TRAPPC9: variants seen among roughly 807,000 people sequenced by gnomAD.
The protein encoded by TRAPPC9 is IKK2 binding protein.
Under a neutral mutation model 124.0 loss-of-function variants are expected in TRAPPC9, and 83 were observed. The ratio of observed to expected loss-of-function variants is 0.67; its 90% confidence interval spans 0.56 to 0.80. TRAPPC9 has a LOEUF of 0.80. Among genes scored for constraint, TRAPPC9 ranks in the 30% least tolerant of loss-of-function variants. The probability of loss-of-function intolerance (pLI) is 0.00; values close to 1 mark genes in which losing one functional copy is unlikely to be tolerated. For synonymous variants in TRAPPC9, 638 were observed against 617.5 expected, an observed-to-expected ratio of 1.03 and a Z score of -0.49; for missense variants, 1,302 against 1,508.3, an observed-to-expected ratio of 0.86 and a Z score of 2.27.
At position 140,371,058 on chromosome 8, in the gene TRAPPC9, G is replaced by A; in HGVS notation, c.1257C>T (p.Ser419=). The A allele has an allele frequency of 2.5e-6, 4 of 1,614,240 alleles. No individual in the cohort carries two copies. The highest frequency in any genetic ancestry group is 1.6e-4 in the Middle Eastern group (1 of 6,062). The change falls in exon 8 of 23, where the codon AGC becomes AGT. Residue 419 remains serine, a synonymous_variant. Transcript: ENST00000438773. ...RVAAMQCVAP[S]IAEPGWRACY... ...AGGCCCTCCACCCAGGCTCCGCGAT[G>A]CTTGGGGCCACGCACTGCATGGCGG...
At chr8:140,049,304 T>C (rs1393842270) in intron 17 of TRAPPC9, among the ~76,000 whole-genome samples, 2 of 152,042 alleles carry the variant, frequency 1.3e-5, no homozygotes, top group African/African-American at 4.8e-5. Flanking sequence ...AGTCATGCCA[T>C]CTGACTTAAA....
At chr8:140,159,980 T>C (rs1005865821) in intron 17 of TRAPPC9, among the ~76,000 whole-genome samples, 2 of 152,258 alleles carry the variant, frequency 1.3e-5, no homozygotes, top group Admixed American at 1.3e-4. Flanking sequence ...CATCCAAAAG[T>C]GGGCAAATGA....
chr8:139,754,020 C>T (rs1446723780), intron 21 of TRAPPC9, among the ~76,000 whole-genome samples: 2 of 152,224 alleles, frequency 1.3e-5, no homozygotes, highest in Admixed American at 6.5e-5. Flanking sequence ...CATCTTGGCA[C>T]GTCTCAATCT....
At chr8:139,852,819 T>C (rs1318443651) in intron 21 of TRAPPC9, among the ~76,000 whole-genome samples, 4 of 152,250 alleles carry the variant, frequency 2.6e-5, no homozygotes, top group Non-Finnish European at 5.9e-5. Context: ...AAAAGGTAAG[T>C]TCATGATCCT....
At chr8:140,004,413 A>C (rs551924438) in intron 18 of TRAPPC9, among the ~76,000 whole-genome samples, 1 of 152,212 alleles carries the variant, frequency 6.6e-6, no homozygotes, top group Admixed American at 6.5e-5. Flanking sequence ...AGTTTGAAGG[A>C]CCACAGTGCA....
intron 15 of TRAPPC9, among the ~76,000 whole-genome samples, chr8:140,274,788 C>A (rs1257801530): frequency 1.3e-5 from 2 of 152,122 alleles, no homozygotes; most frequent in Admixed American, 1.3e-4. Flanking sequence ...GAGCCCTCTG[C>A]CAGGAAGTAA....
chr8:139,831,645 C>T (rs1016329389), intron 21 of TRAPPC9, among the ~76,000 whole-genome samples: 13 of 152,202 alleles, frequency 8.5e-5, no homozygotes, highest in Non-Finnish European at 2.9e-5. Context: ...GCAGCCTGTG[C>T]CAGCCTCTCC....
At chr8:140,339,301 T>A (rs947266311) in intron 9 of TRAPPC9, among the ~76,000 whole-genome samples, 1 of 152,256 alleles carries the variant, frequency 6.6e-6, no homozygotes, top group African/African-American at 2.4e-5. Context: ...ATTTGCAGTA[T>A]GTGAAACATA....
chr8:139,923,373 C>T (rs1015035905), intron 19 of TRAPPC9, among the ~76,000 whole-genome samples: 29 of 152,306 alleles, frequency 1.9e-4, no homozygotes, highest in African/African-American at 6.5e-4. Flanking sequence ...AATGCCATGC[C>T]GTGGGTTTCT....
At position 140,275,695 on chromosome 8, in the gene TRAPPC9, C is replaced by T. The variant is rs2065093173; in HGVS notation, c.2241G>A (p.Glu747=). The T allele has an allele frequency of 6.2e-7, 1 of 1,614,092 alleles. No individual in the cohort carries two copies. Among genetic ancestry groups the T allele is most frequent in the South Asian group, 1.1e-5 (1 of 91,096 alleles). Reference sequence around the variant, plus strand: ...GAACTTTCGAGGTGACCTCCAGTTTCTCCAATGGTTCCATTCCAATATTTT... The same window carrying T: ...GAACTTTCGAGGTGACCTCCAGTTTTTCCAATGGTTCCATTCCAATATTTT... ...KLENIGMEPL[E]KLEVTSKVLT... The change falls in exon 15 of 23, where the codon GAG becomes GAA. Residue 747 remains glutamate (E), a synonymous_variant. Coordinates refer to ENST00000438773, the MANE Select transcript of TRAPPC9 (RefSeq NM_001160372.4).
At chr8:140,117,510 C>T (rs576561817) in intron 17 of TRAPPC9, among the ~76,000 whole-genome samples, 2 of 152,238 alleles carry the variant, frequency 1.3e-5, no homozygotes, top group South Asian at 2.1e-4. Flanking sequence ...GACAGTAAGA[C>T]AGAAGGGCCA....
chr8:140,310,300 A>G (rs552044740), intron 10 of TRAPPC9, among the ~76,000 whole-genome samples: 1 of 152,314 alleles, frequency 6.6e-6, no homozygotes, highest in Admixed American at 6.5e-5. Flanking sequence ...CAAAGCGAGT[A>G]CATGGCAAGA....
At chr8:140,152,235 T>TAAAAAAAA (rs71320343) in intron 17 of TRAPPC9, among the ~76,000 whole-genome samples, 1 of 106,708 alleles carries the variant, frequency 9.4e-6, no homozygotes, top group Non-Finnish European at 1.9e-5. Flanking sequence ...ACTTAAGCTT[T>TAAAAAAAA]AAAAAAAAAA....
At chr8:140,148,502 C>T (rs2061494375) in intron 17 of TRAPPC9, among the ~76,000 whole-genome samples, 1 of 152,162 alleles carries the variant, frequency 6.6e-6, no homozygotes, top group Admixed American at 6.5e-5. Context: ...CCTCACTGTC[C>T]AGAGTCATTT....
chr8:139,847,357 T>C (rs1377107240), intron 21 of TRAPPC9, among the ~76,000 whole-genome samples: 2 of 152,188 alleles, frequency 1.3e-5, no homozygotes, highest in African/African-American at 2.4e-5. Flanking sequence ...ATGGAATCAA[T>C]GCAATTAATT....
intron 5 of TRAPPC9, among the ~76,000 whole-genome samples, chr8:140,415,443 T>C (rs1027442997): frequency 6.7e-6 from 1 of 150,362 alleles, no homozygotes; most frequent in African/African-American, 2.5e-5. Flanking sequence ...TAATCCCAGT[T>C]ACTCGGAAAG....
At chr8:140,455,346 T>C (rs1476359166) in intron 1 of TRAPPC9, among the ~76,000 whole-genome samples, 2 of 151,840 alleles carry the variant, frequency 1.3e-5, no homozygotes, top group Non-Finnish European at 2.9e-5. Context: ...TTGTCCAGGC[T>C]GGTCTCGAAC....
chr8:139,792,366 G>C (rs914226404), intron 21 of TRAPPC9, among the ~76,000 whole-genome samples: 3 of 152,238 alleles, frequency 2.0e-5, no homozygotes, highest in Admixed American at 6.5e-5. Context: ...AGAGAGAACA[G>C]TGTGAGCAGA....
chr8:140,155,855 C>T (rs571098591), intron 17 of TRAPPC9, among the ~76,000 whole-genome samples: 213 of 152,258 alleles, frequency 1.4e-3, no homozygotes, highest in Non-Finnish European at 1.9e-3. Flanking sequence ...TTTTCAAAGA[C>T]ACTTGCAAAC....
Sources: gnomAD v4.1 joint callset for allele counts (sites outside exome capture counted in the v4.1 genomes callset) on GRCh38, gnomAD v4.1.1 for gene constraint, MANE v1.5 for transcripts, NCBI Gene and HGNC (gene_info 2026-07-23, HGNC 2026-07-21) for gene names.